MLLT1: variants seen among roughly 807,000 people sequenced by gnomAD.
MLLT1 encodes MLLT1 super elongation complex subunit, also known as protein ENL.
MLLT1 carries 11 observed loss-of-function variants against 55.1 expected under a neutral mutation model. The observed-to-expected ratio is 0.20, with a 90% CI of 0.13 to 0.33. MLLT1 has a LOEUF of 0.33. MLLT1 is among the 10% of genes least tolerant of loss of function. The pLI, the probability that MLLT1 is intolerant of heterozygous loss-of-function variation, is 1.00. For missense variants in MLLT1, 536 were observed against 760.6 expected, an observed-to-expected ratio of 0.70 and a Z score of 3.47; for synonymous variants, 323 against 320.1, an observed-to-expected ratio of 1.01 and a Z score of -0.10.
intron 3 of MLLT1, among the ~76,000 whole-genome samples, chr19:6,247,545 A>T (rs979799767): frequency 6.6e-6 from 1 of 152,230 alleles, no homozygotes; most frequent in African/African-American, 2.4e-5. Context: ...CTGAATACAT[A>T]AATGGAAGAG....
Position 6,262,736 on chromosome 19 carries a change from G to A in MLLT1, c.194-426C>T, listed in dbSNP as rs1031879545. ...ACTCTACTGTCACCACCTCCAGCACGGGGGCTGAGCACCTGCTGCACCACG... is the reference window on the plus strand; with the variant it reads ...ACTCTACTGTCACCACCTCCAGCACAGGGGCTGAGCACCTGCTGCACCACG... On this transcript the variant is annotated intron_variant, in intron 2 of 11. Coordinates refer to ENST00000252674, the MANE Select transcript of MLLT1 (RefSeq NM_005934.4). The surrounding 1 kb of genome is among the most constrained non-coding windows in gnomAD (Gnocchi z 4.4). 1.3e-5 allele frequency among the ~76,000 whole-genome samples: 2 copies of A among 152,100 alleles called. No homozygotes were observed. The highest frequency in any genetic ancestry group is 2.4e-5 in the African/African-American group (1 of 41,390).
At chr19:6,254,773 A>C (rs899190432) in intron 3 of MLLT1, among the ~76,000 whole-genome samples, 2 of 152,174 alleles carry the variant, frequency 1.3e-5, no homozygotes, top group Admixed American at 1.3e-4. Context: ...AAAGGCTGGA[A>C]ACTCTTCCCC....
At chr19:6,269,341 C>T (rs975210478) in intron 2 of MLLT1, among the ~76,000 whole-genome samples, 2 of 152,224 alleles carry the variant, frequency 1.3e-5, no homozygotes, top group Non-Finnish European at 2.9e-5. Flanking sequence ...AAGCGCTGGC[C>T]AGGAAGTGCT....
chr19:6,216,704 T>G, intron 7 of MLLT1, 191 bp from the exon 8 acceptor site: 1 of 545,972 alleles, frequency 1.8e-6, no homozygotes. Flanking sequence ...CCGCTTCCCC[T>G]AGAACGCCCT....
rs543424442 is a variant in MLLT1, at chr19:6,253,542, T to C, written c.276+8686A>G. ...ATACCACAAGAAAACCACACAGCAA[T>C]GTTCCTTATGAATACAGACACAAAA... On this transcript the variant is annotated intron_variant, in intron 3 of 11. Coordinates refer to ENST00000252674, the MANE Select transcript of MLLT1 (RefSeq NM_005934.4). 1.4e-4 allele frequency among the ~76,000 whole-genome samples: 21 copies of C among 152,148 alleles called. No homozygotes were observed. The South Asian group carries it at 4.4e-3, about 32-fold the overall frequency.
chr19:6,214,723 T>C (rs1038264633), intron 8 of MLLT1, among the ~76,000 whole-genome samples: 4 of 152,118 alleles, frequency 2.6e-5, no homozygotes, highest in African/African-American at 7.2e-5. Flanking sequence ...CTGCCAGGGA[T>C]ATTTTGGGCT....
At chr19:6,213,589 A>T in intron 10 of MLLT1, 137 bp downstream of exon 10, 1 of 1,011,020 alleles carries the variant, frequency 9.9e-7, no homozygotes, top group Non-Finnish European at 1.5e-6. Context: ...CCGGGAGGGG[A>T]GGAAGGACTG....
chr19:6,215,983 G>A (rs932091928), intron 8 of MLLT1, among the ~76,000 whole-genome samples: 5 of 152,154 alleles, frequency 3.3e-5, no homozygotes, highest in African/African-American at 4.8e-5. Flanking sequence ...GCCCCAGGAC[G>A]GGCTCTCCAT....
intron 3 of MLLT1, among the ~76,000 whole-genome samples, chr19:6,234,250 G>A (rs1309879869): frequency 3.3e-5 from 5 of 152,260 alleles, no homozygotes; most frequent in Non-Finnish European, 5.9e-5. Context: ...CTGTGGTGGA[G>A]ACAGGTGGTG....
chr19:6,272,833 G>A (rs1600221426), intron 1 of MLLT1, among the ~76,000 whole-genome samples: 1 of 152,234 alleles, frequency 6.6e-6, no homozygotes. Context: ...GGCCAGAGAG[G>A]CTGAGGGTCT....
chr19:6,270,558 T>C lies in MLLT1; in HGVS notation c.193+21A>G. ...ACAGATGGGTCCGTGCTGTGGGCAC[T>C]CAGGGCTTGAGGCCACTCACCGCGT... On this transcript the variant is annotated intron_variant, in intron 2 of 11. Transcript: ENST00000252674. This position sits in a 1 kb window ranked among gnomAD's most constrained non-coding sequence, Gnocchi z 7.1. 6.3e-7 allele frequency: 1 copy of C among 1,599,742 alleles called. No homozygotes were observed. Among genetic ancestry groups the C allele is most frequent in the Non-Finnish European group, 8.5e-7 (1 of 1,173,018 alleles).
chr19:6,230,099 G>A lies in MLLT1; in HGVS notation c.420+471C>T, dbSNP rs1214437100. 6.6e-6 allele frequency among the ~76,000 whole-genome samples: 1 copy of A among 152,120 alleles called. No homozygotes were observed. The highest frequency in any genetic ancestry group is 1.5e-5 in the Non-Finnish European group (1 of 68,022). On this transcript the variant is annotated intron_variant, in intron 4 of 11. Transcript: ENST00000252674. The surrounding 1 kb of genome is among the most constrained non-coding windows in gnomAD (Gnocchi z 9.0). ...TCTGAGCCCCCACAGGGTCCGGAGG[G>A]CTCGACTCCAGCCACCGCATGGGGG...
chr19:6,249,145 T>C (rs918117557), intron 3 of MLLT1, among the ~76,000 whole-genome samples: 4 of 152,138 alleles, frequency 2.6e-5, no homozygotes, highest in African/African-American at 9.7e-5. Context: ...TTTCAAAGAC[T>C]TGGTATGAAA....
rs565793316 is a variant in MLLT1 at position 6,240,187 on chromosome 19, G to C, written c.277-9474C>G. 6.6e-6 allele frequency among the ~76,000 whole-genome samples: 1 copy of C among 152,200 alleles called. No individual in the cohort carries two copies. Among genetic ancestry groups the C allele is most frequent in the African/African-American group, 2.4e-5 (1 of 41,464 alleles). The stretch of plus-strand genomic sequence containing the variant: ...CAGGCCCCTTCACGCCTGCCTGACC[G>C]CTCAGCCTGGGAGGCCAGGGAGACC... On this transcript the variant is annotated intron_variant, in intron 3 of 11. Transcript: ENST00000252674. This position sits in a 1 kb window ranked among gnomAD's most constrained non-coding sequence, Gnocchi z 4.7.
chr19:6,246,148 T>G (rs1052249594), intron 3 of MLLT1, among the ~76,000 whole-genome samples: 2 of 150,450 alleles, frequency 1.3e-5, no homozygotes, highest in African/African-American at 4.9e-5. Flanking sequence ...ATTCAAGGGC[T>G]GGCGAAGATT....
chr19:6,214,008 G>C lies in MLLT1; in HGVS notation c.1338C>G (p.Asn446Lys), dbSNP rs2090810676. The C allele has an allele frequency of 1.3e-5, 19 of 1,453,860 alleles. No homozygotes were observed. Among genetic ancestry groups the C allele is most frequent in the Non-Finnish European group, 1.7e-5 (19 of 1,104,612 alleles). 90.1% of individuals were successfully genotyped at this position (1,453,860 alleles called of 1,614,324 possible). A position where few individuals can be genotyped will look rare whatever the true frequency, so the allele number is the denominator to read the frequency against. Reference protein sequence around the residue: ...RLSFSDSESDNSADSSLPSRE... With the variant: ...RLSFSDSESDKSADSSLPSRE... The stretch of plus-strand genomic sequence containing the variant: ...GGCTGGGCAGGGAGGAGTCGGCGCT[G>C]TTGTCACTCTCGCTGTCGCTGAAGC... The change falls in exon 9 of 12, where the codon AAC becomes AAG. Residue 446 changes from asparagine to lysine, a missense_variant. This residue lies in a region of MLLT1 where 449 missense variants were observed against 489.0 expected (regional missense o/e 0.92). Coordinates refer to ENST00000252674, the MANE Select transcript of MLLT1 (RefSeq NM_005934.4).
chr19:6,261,340 C>T (rs540547939), intron 3 of MLLT1, among the ~76,000 whole-genome samples: 3 of 152,360 alleles, frequency 2.0e-5, no homozygotes, highest in East Asian at 3.9e-4. Flanking sequence ...GACGGCCGCA[C>T]GCCAAATGCC....
chr19:6,257,355 A>C (rs936307611), intron 3 of MLLT1, among the ~76,000 whole-genome samples: 2 of 151,798 alleles, frequency 1.3e-5, no homozygotes, highest in Non-Finnish European at 2.9e-5. Flanking sequence ...CCTGGGCAAC[A>C]GAGTGAGACC....
intron 1 of MLLT1, among the ~76,000 whole-genome samples, chr19:6,276,087 G>C (rs568610069): frequency 7.9e-5 from 12 of 152,218 alleles, no homozygotes; most frequent in Non-Finnish European, 1.5e-4. Flanking sequence ...GCAAAGCTGA[G>C]TGCAAAACCT....
Sources: gnomAD v4.1 joint callset for allele counts (sites outside exome capture counted in the v4.1 genomes callset) on GRCh38, gnomAD v4.1.1 for gene constraint, gnomAD v4.1.1 regional missense constraint, Gnocchi (gnomAD v3.1) non-coding constraint, MANE v1.5 for transcripts, NCBI Gene and HGNC (gene_info 2026-07-23, HGNC 2026-07-21) for gene names.